TYW1B: variants seen among roughly 807,000 people sequenced by gnomAD.
The protein encoded by TYW1B is tRNA-yW synthesizing protein 1 homolog B, also known as S-adenosyl-L-methionine-dependent tRNA 4-demethylwyosine synthase TYW1B.
In TYW1B, 73 loss-of-function variants were observed where a neutral mutation model predicts 86.9. The observed-to-expected ratio is 0.84, with a 90% CI of 0.70 to 1.02. The LOEUF (loss-of-function observed/expected upper bound fraction) is 1.02. TYW1B is among the 50% of genes least tolerant of loss of function. The pLI is 0.00. For missense variants in TYW1B, 637 were observed against 827.4 expected (o/e 0.77, Z 2.82); for synonymous variants, 248 against 292.8 (o/e 0.85, Z 1.56).
At chr7:72,577,613 G>A (rs1339595098) in intron 13 of TYW1B, among the ~76,000 whole-genome samples, 2 of 152,184 alleles carry the variant, frequency 1.3e-5, no homozygotes, top group African/African-American at 4.8e-5. Context: ...TTCTGCCGCC[G>A]GTGGCGTGAC....
intron 12 of TYW1B, among the ~76,000 whole-genome samples, chr7:72,620,446 G>C (rs1554437767): frequency 6.6e-6 from 1 of 152,106 alleles, no homozygotes; most frequent in African/African-American, 2.4e-5. Context: ...CCCTCTGAGG[G>C]AAGCAGTCCT....
rs1157701577 is a variant in TYW1B at position 72,621,867 on chromosome 7, G to A, written c.1618-5028C>T. Among the ~76,000 whole-genome samples the A allele has an allele frequency of 2.0e-5, 3 of 152,350 alleles. No individual in the cohort carries two copies. The East Asian group carries it at 5.8e-4, about 29-fold the overall frequency. On this transcript the variant is annotated intron_variant, in intron 12 of 13. Coordinates refer to ENST00000620995, the MANE Select transcript of TYW1B (RefSeq NM_001145440.3). The stretch of plus-strand genomic sequence containing the variant: ...AGCTGATAAACGCTGGTTAGGGACT[G>A]CTACGTATAAGAAAAACTGACAGTA...
chr7:72,666,320 G>A (rs1173203751), intron 11 of TYW1B, among the ~76,000 whole-genome samples: 1 of 152,062 alleles, frequency 6.6e-6, no homozygotes, highest in African/African-American at 2.4e-5. Flanking sequence ...CAACTATTTG[G>A]GAGGCTGAGG....
chr7:72,753,480 A>ATTT (rs11359200), intron 7 of TYW1B, among the ~76,000 whole-genome samples: 15,727 of 138,462 alleles, frequency 0.11, 1,121 homozygotes, highest in African/African-American at 0.18. Context: ...ATCATTAGCA[A>ATTT]TTTTTTTTTT....
intron 11 of TYW1B, among the ~76,000 whole-genome samples, chr7:72,654,131 A>C (rs1813143486): frequency 1.3e-5 from 2 of 151,794 alleles, no homozygotes; most frequent in Non-Finnish European, 2.9e-5. Context: ...AATTAAGGGG[A>C]ACTTCCCCAA....
intron 11 of TYW1B, among the ~76,000 whole-genome samples, chr7:72,629,609 C>T (rs1467471587): frequency 6.6e-6 from 1 of 151,990 alleles, no homozygotes; most frequent in Non-Finnish European, 1.5e-5. Context: ...TGCAGTGGTG[C>T]AATCATAACT....
At chr7:72,802,960 G>C (rs1350773764) in intron 5 of TYW1B, among the ~76,000 whole-genome samples, 2 of 152,134 alleles carry the variant, frequency 1.3e-5, no homozygotes, top group Non-Finnish European at 2.9e-5. Flanking sequence ...TCTAGGCTGG[G>C]CATGGTGGCT....
At chr7:72,721,149 T>C (rs1563071716) in intron 9 of TYW1B, among the ~76,000 whole-genome samples, 1 of 152,326 alleles carries the variant, frequency 6.6e-6, no homozygotes, top group East Asian at 1.9e-4. Flanking sequence ...AGTCTATCAT[T>C]GATGGACATT....
intron 10 of TYW1B, among the ~76,000 whole-genome samples, chr7:72,703,820 A>C (rs1361923349): frequency 6.6e-6 from 1 of 151,036 alleles, no homozygotes; most frequent in Non-Finnish European, 1.5e-5. Context: ...TCACCACTGC[A>C]CTCCAGGCTG....
rs1788942002 is a variant in TYW1B, at chr7:72,826,901, A to T, written c.89T>A (p.Val30Asp). The T allele has an allele frequency of 6.2e-7, 1 of 1,613,914 alleles. No individual in the cohort carries two copies. The highest frequency in any genetic ancestry group is 1.3e-5 in the African/African-American group (1 of 74,946). The change falls in exon 2 of 14, where the codon GTT becomes GAT. Residue 30 changes from valine (V) to aspartate (D), a missense_variant. Transcript: ENST00000620995. Reference protein sequence around the residue: ...NRFYIYLGFAVSISLWICVQI... With the variant: ...NRFYIYLGFADSISLWICVQI... ...GACACAAATCCAAAGGCTAATGCTAACAGCAAAGCCCAGATAAATGTAAAA... is the reference window on the plus strand; with the variant it reads ...GACACAAATCCAAAGGCTAATGCTATCAGCAAAGCCCAGATAAATGTAAAA...
chr7:72,734,611 G>A (rs1787167966), intron 8 of TYW1B, among the ~76,000 whole-genome samples: 1 of 152,094 alleles, frequency 6.6e-6, no homozygotes, highest in African/African-American at 2.4e-5. Context: ...TAAATAGGAT[G>A]ATATCAAACT....
intron 9 of TYW1B, among the ~76,000 whole-genome samples, chr7:72,717,241 C>T (rs1408120665): frequency 1.4e-4 from 21 of 150,888 alleles, no homozygotes; most frequent in Non-Finnish European, 4.4e-5. Context: ...GTGGAGGTTG[C>T]AGTGAGCTGA....
intron 2 of TYW1B, among the ~76,000 whole-genome samples, chr7:72,820,964 A>G (rs1554480340): frequency 6.6e-6 from 1 of 152,042 alleles, no homozygotes; most frequent in East Asian, 1.9e-4. Context: ...GAATTCGCAC[A>G]CTTAGATTTT....
In TYW1B at chr7:72,670,483, G is replaced by A. The variant is rs191284628; in HGVS notation, c.1506+24204C>T. ...CAGGATTACAGGTGTGAGCCACCAC[G>A]TCTGGCCTCATGTGTTATCATTTAA... On this transcript the variant is annotated intron_variant, in intron 11 of 13. Coordinates refer to ENST00000620995, the MANE Select transcript of TYW1B (RefSeq NM_001145440.3). Among the ~76,000 whole-genome samples, 144 of 152,262 alleles carry A rather than the reference G, an allele frequency of 9.5e-4. 1 individual carries two copies. The Middle Eastern group carries it at 0.01, about 11-fold the overall frequency.
intron 5 of TYW1B, among the ~76,000 whole-genome samples, chr7:72,806,109 G>C (rs11974621): frequency 1.3e-5 from 2 of 151,936 alleles, no homozygotes; most frequent in Non-Finnish European, 2.9e-5. Context: ...ATAATGAGAC[G>C]TGAGCTCAGG....
At chr7:72,753,171 T>C (rs1288320987) in intron 7 of TYW1B, among the ~76,000 whole-genome samples, 1 of 151,542 alleles carries the variant, frequency 6.6e-6, no homozygotes, top group African/African-American at 2.4e-5. Context: ...AGCTAGTAAA[T>C]GCAGAATAAA....
intron 6 of TYW1B, among the ~76,000 whole-genome samples, chr7:72,783,597 C>T (rs1788083547): frequency 6.6e-6 from 1 of 152,158 alleles, no homozygotes; most frequent in Non-Finnish European, 1.5e-5. Context: ...ATATCACTCA[C>T]TGGTCACCGT....
At chr7:72,582,075 AT>A (rs35167805) in intron 13 of TYW1B, among the ~76,000 whole-genome samples, 25,276 of 145,914 alleles carry the variant, frequency 0.17, 3,909 homozygotes, top group African/African-American at 0.42. Context: ...GGCAAAAAAG[AT>A]TTTTTTTTTT....
At chr7:72,645,030 T>C (rs1554441883) in intron 11 of TYW1B, among the ~76,000 whole-genome samples, 1 of 152,228 alleles carries the variant, frequency 6.6e-6, no homozygotes, top group East Asian at 1.9e-4. Context: ...GGTTTCACCG[T>C]GTTAGCCAGG....
Sources: allele counts gnomAD v4.1 joint callset (sites outside exome capture counted in the v4.1 genomes callset), GRCh38; gene constraint gnomAD v4.1.1; transcripts MANE v1.5; gene names NCBI Gene and HGNC (gene_info 2026-07-23, HGNC 2026-07-21).